The following SREBF2 variants were observed in gnomAD, a reference collection of about 807,000 sequenced individuals.
The protein encoded by SREBF2 is sterol regulatory element binding transcription factor 2.
Under a neutral mutation model 113.1 loss-of-function variants are expected in SREBF2, and 55 were observed. That is an observed-to-expected ratio of 0.49 (90% CI 0.39 to 0.61). The LOEUF (loss-of-function observed/expected upper bound fraction) is 0.61. Among genes scored for constraint, SREBF2 ranks in the 20% least tolerant of loss-of-function variants. SREBF2 has a pLI of 0.00. For missense variants in SREBF2, 1,349 were observed against 1,487.4 expected (o/e 0.91, Z 1.53); for synonymous variants, 593 against 605.7 (o/e 0.98, Z 0.31).
At chr22:41,853,999 C>T (rs1026463541) in intron 1 of SREBF2, among the ~76,000 whole-genome samples, 11 of 147,234 alleles carry the variant, frequency 7.5e-5, no homozygotes, top group Non-Finnish European at 1.2e-4. Context: ...CACGCCACTG[C>T]ACTCCATCCT....
intron 10 of SREBF2, among the ~76,000 whole-genome samples, chr22:41,884,548 T>C (rs1331476596): frequency 1.3e-5 from 2 of 152,172 alleles, no homozygotes; most frequent in East Asian, 3.8e-4. Context: ...GCTGCTGACA[T>C]TGTTATGTTG....
intron 3 of SREBF2, among the ~76,000 whole-genome samples, chr22:41,869,452 G>T (rs560304300): frequency 2.0e-5 from 3 of 150,708 alleles, no homozygotes; most frequent in East Asian, 2.0e-4. Flanking sequence ...TATTGGGTTG[G>T]GGGGAGGGGG....
intron 1 of SREBF2, among the ~76,000 whole-genome samples, chr22:41,858,569 C>G (rs1030668601): frequency 3.3e-5 from 5 of 151,964 alleles, no homozygotes; most frequent in African/African-American, 1.2e-4. Context: ...AAAGCAAGAC[C>G]CAGTCTCTCT....
intron 1 of SREBF2, among the ~76,000 whole-genome samples, chr22:41,840,569 C>T (rs2148340058): frequency 6.6e-6 from 1 of 152,342 alleles, no homozygotes; most frequent in East Asian, 1.9e-4. Flanking sequence ...TTCTACCAAC[C>T]TCATTCCACT....
chr22:41,837,545 G>GCA (rs1399346317), intron 1 of SREBF2, among the ~76,000 whole-genome samples: 7 of 114,556 alleles, frequency 6.1e-5, no homozygotes, highest in Middle Eastern at 6.7e-3. Context: ...GCAACAGAAT[G>GCA]AGACTCTGTC....
intron 3 of SREBF2, among the ~76,000 whole-genome samples, chr22:41,869,347 G>A (rs1287457143): frequency 6.7e-6 from 1 of 148,492 alleles, no homozygotes; most frequent in East Asian, 2.0e-4. Flanking sequence ...ACCCGCCTCG[G>A]CCTCCCAAAG....
At chr22:41,864,263 C>CAT (rs2077053273) in intron 1 of SREBF2, among the ~76,000 whole-genome samples, 9 of 34,224 alleles carry the variant, frequency 2.6e-4, no homozygotes, top group African/African-American at 1.0e-3. Context: ...TATATATATA[C>CAT]ACACACACAC....
At chr22:41,879,697 A>C (rs2077227892) in intron 9 of SREBF2, among the ~76,000 whole-genome samples, 1 of 152,222 alleles carries the variant, frequency 6.6e-6, no homozygotes, top group Non-Finnish European at 1.5e-5. Context: ...CAAAGCACAG[A>C]TAGTGTACCA....
At chr22:41,877,149 T>A in intron 7 of SREBF2, 80 bp from the exon 8 acceptor site, 1 of 1,385,898 alleles carries the variant, frequency 7.2e-7, no homozygotes. Context: ...TAACCATTTC[T>A]CAATATATAT....
At chr22:41,873,732 G>A in intron 4 of SREBF2, 66 bp from the exon 5 acceptor site, 1 of 1,514,414 alleles carries the variant, frequency 6.6e-7, no homozygotes. Flanking sequence ...GGGCAGGTCT[G>A]TGTTGAGGTT....
intron 16 of SREBF2, among the ~76,000 whole-genome samples, chr22:41,901,708 C>A (rs1423084876): frequency 1.3e-5 from 2 of 152,180 alleles, no homozygotes; most frequent in Admixed American, 6.5e-5. Flanking sequence ...CTGCCAAGAC[C>A]AAAGGCAGAT....
intron 1 of SREBF2, among the ~76,000 whole-genome samples, chr22:41,862,352 T>C (rs931833005): frequency 6.6e-6 from 1 of 152,220 alleles, no homozygotes; most frequent in Non-Finnish European, 1.5e-5. Flanking sequence ...TACAGTTTCC[T>C]GGGGCCTCAC....
intron 9 of SREBF2, among the ~76,000 whole-genome samples, chr22:41,880,114 G>A (rs2077231301): frequency 6.6e-6 from 1 of 152,218 alleles, no homozygotes; most frequent in East Asian, 1.9e-4. Flanking sequence ...TGATTCAGTA[G>A]CCCTGGGGTA....
chr22:41,887,260 T>C (rs576786843), intron 11 of SREBF2, among the ~76,000 whole-genome samples: 46 of 151,962 alleles, frequency 3.0e-4, no homozygotes, highest in African/African-American at 1.0e-3. Context: ...TCAAAAAGTA[T>C]ACAAATCATA....
chr22:41,884,696 C>A, intron 10 of SREBF2, 146 bp from the exon 11 acceptor site: 2 of 827,800 alleles, frequency 2.4e-6, no homozygotes. Context: ...GCCTGGCATC[C>A]CATCCTGTGA....
At chr22:41,865,577 C>T (rs2077067513) in intron 1 of SREBF2, among the ~76,000 whole-genome samples, 2 of 152,134 alleles carry the variant, frequency 1.3e-5, no homozygotes, top group East Asian at 3.9e-4. Flanking sequence ...GGCTTGAGAC[C>T]CTTTGGGCTG....
Position 41,898,725 on chromosome 22 carries a change from T to A in SREBF2, c.2682T>A (p.Ala894=). The A allele has an allele frequency of 6.2e-7, 1 of 1,614,194 alleles. No individual in the cohort carries two copies. Among genetic ancestry groups the A allele is most frequent in the Middle Eastern group, 1.6e-4 (1 of 6,062 alleles). ...GCTGGCTCCAGGGAGACGATGCAGCTGTGCGCTCTCATTTTACCAAAGTGG... is the reference window on the plus strand; with the variant it reads ...GCTGGCTCCAGGGAGACGATGCAGCAGTGCGCTCTCATTTTACCAAAGTGG... The part of the protein sequence containing the change: ...AISWLQGDDA[A]VRSHFTKVER... The change falls in exon 15 of 19, where the codon GCT becomes GCA. Residue 894 remains alanine, a synonymous_variant. Coordinates refer to ENST00000361204, the MANE Select transcript of SREBF2 (RefSeq NM_004599.4).
chr22:41,869,545 G>C (rs1403594827), intron 3 of SREBF2, among the ~76,000 whole-genome samples: 2 of 149,644 alleles, frequency 1.3e-5, no homozygotes, highest in Admixed American at 1.3e-4. Context: ...GTGCAGTGGC[G>C]TGATCTTGGC....
chr22:41,838,026 A>T (rs1160018949), intron 1 of SREBF2, among the ~76,000 whole-genome samples: 1 of 152,210 alleles, frequency 6.6e-6, no homozygotes, highest in East Asian at 1.9e-4. Flanking sequence ...CAGGTTTCCC[A>T]TAATAGAGTA....
Sources: allele counts gnomAD v4.1 joint callset (sites outside exome capture counted in the v4.1 genomes callset), GRCh38; gene constraint gnomAD v4.1.1; transcripts MANE v1.5; gene names NCBI Gene and HGNC (gene_info 2026-07-23, HGNC 2026-07-21).